The following ANK2 variants were observed in gnomAD, a reference collection of about 807,000 sequenced individuals.
ANK2 encodes the protein ankyrin 2.
Under a neutral mutation model 360.5 loss-of-function variants are expected in ANK2, and 83 were observed. That is an observed-to-expected ratio of 0.23 (90% CI 0.19 to 0.28). The LOEUF (loss-of-function observed/expected upper bound fraction) is 0.28, where lower values mean the gene tolerates loss of function less well. Ranked by LOEUF, ANK2 falls within the 10% of genes least tolerant of loss-of-function variation. The probability of loss-of-function intolerance (pLI) is 1.00; values close to 1 mark genes in which losing one functional copy is unlikely to be tolerated. For synonymous variants in ANK2, 1,740 were observed against 1,759.5 expected (o/e 0.99, Z 0.28); for missense variants, 4,201 against 4,795.7 (o/e 0.88, Z 3.66).
intron 1 of ANK2, among the ~76,000 whole-genome samples, chr4:112,878,451 C>G (rs992722316): frequency 1.3e-5 from 2 of 152,122 alleles, no homozygotes; most frequent in Non-Finnish European, 1.5e-5. Flanking sequence ...CTCAGCCTCC[C>G]GAGTAGCTGG....
intron 14 of ANK2, among the ~76,000 whole-genome samples, chr4:113,271,479 G>GACACACACACACACACAC (rs3059950): frequency 6.7e-5 from 10 of 150,318 alleles, no homozygotes; most frequent in Admixed American, 2.0e-4. Flanking sequence ...TGCACGCACA[G>GACACACACACACACACAC]ACACACACAC....
At chr4:113,108,020 T>G (rs2093848531) in intron 1 of ANK2, among the ~76,000 whole-genome samples, 1 of 152,202 alleles carries the variant, frequency 6.6e-6, no homozygotes, top group South Asian at 2.1e-4. Flanking sequence ...AACATTTTAT[T>G]TCAACTTGAA....
intron 1 of ANK2, among the ~76,000 whole-genome samples, chr4:113,110,672 GGT>G (rs1386626395): frequency 6.6e-6 from 1 of 152,114 alleles, no homozygotes; most frequent in Admixed American, 6.6e-5. Flanking sequence ...TCAATTCTCT[GGT>G]GCCAACAATG....
At chr4:112,841,232 G>A (rs772004014) in intron 1 of ANK2, among the ~76,000 whole-genome samples, 2 of 152,162 alleles carry the variant, frequency 1.3e-5, no homozygotes, top group Non-Finnish European at 2.9e-5. Flanking sequence ...TTAAGCAAGT[G>A]TGTGATACAA....
At chr4:112,721,390 A>G in the ANK2 span, among the ~76,000 whole-genome samples, 1 of 152,040 alleles carries the variant, frequency 6.6e-6, no homozygotes, top group African/African-American at 2.4e-5. Context: ...AAATACAAAA[A>G]AATTAGTGAG....
intron 1 of ANK2, among the ~76,000 whole-genome samples, chr4:113,139,938 G>A (rs974102412): frequency 1.3e-5 from 2 of 152,142 alleles, no homozygotes; most frequent in Non-Finnish European, 2.9e-5. Flanking sequence ...TCTGTGTAAA[G>A]CATAAACAGT....
At chr4:112,945,803 T>A (rs1398041874) in intron 2 of ANK2, among the ~76,000 whole-genome samples, 1 of 152,180 alleles carries the variant, frequency 6.6e-6, no homozygotes, top group Non-Finnish European at 1.5e-5. Flanking sequence ...CTTTAAGACA[T>A]TATGTCACCT....
At chr4:112,793,818 A>G in the ANK2 span, among the ~76,000 whole-genome samples, 1 of 149,490 alleles carries the variant, frequency 6.7e-6, no homozygotes, top group Non-Finnish European at 1.5e-5. Flanking sequence ...TGATTCTCCC[A>G]CCTCAACCTC....
chr4:112,896,315 A>G (rs994338600), intron 1 of ANK2, among the ~76,000 whole-genome samples: 2 of 152,250 alleles, frequency 1.3e-5, no homozygotes, highest in East Asian at 1.9e-4. Context: ...TGTTTAGAGC[A>G]TAGTCGTTCA....
At chr4:113,346,163 G>T in intron 35 of ANK2, 141 bp downstream of exon 35, 1 of 996,740 alleles carries the variant, frequency 1.0e-6, no homozygotes, top group Non-Finnish European at 1.5e-6. Context: ...AACAAAGACT[G>T]ATTGAAAGCA....
intron 31 of ANK2, 35 bp from the exon 32 acceptor site, chr4:113,339,191 T>C (rs1170541721): frequency 1.9e-6 from 3 of 1,547,454 alleles, no homozygotes; most frequent in Non-Finnish European, 2.7e-6. Flanking sequence ...GTCTGGAGTT[T>C]TGCCTGATTT....
chr4:113,087,396 TA>T (rs536004852), intron 1 of ANK2, among the ~76,000 whole-genome samples: 6 of 152,204 alleles, frequency 3.9e-5, no homozygotes, highest in Non-Finnish European at 8.8e-5. Flanking sequence ...GTTCCAAGTT[TA>T]AAAATTTTCC....
chr4:112,824,719 G>T (rs1245815232), intron 1 of ANK2, among the ~76,000 whole-genome samples: 1 of 151,756 alleles, frequency 6.6e-6, no homozygotes, highest in Non-Finnish European at 1.5e-5. Context: ...GGCCAGGCTG[G>T]TCTCAAATTC....
intron 38 of ANK2, among the ~76,000 whole-genome samples, chr4:113,360,457 T>C (rs578085449): frequency 2.0e-5 from 3 of 152,050 alleles, no homozygotes; most frequent in Non-Finnish European, 4.4e-5. Flanking sequence ...CCAATTGCTC[T>C]ACTTCTGCAT....
intron 2 of ANK2, among the ~76,000 whole-genome samples, chr4:113,043,828 T>C (rs17045456): frequency 0.03 from 4,552 of 152,250 alleles, 143 homozygotes; most frequent in African/African-American, 0.076. Context: ...AAAGGATTTA[T>C]TGAGGAAGAG....
At chr4:112,994,430 G>A (rs72671515) in intron 2 of ANK2, among the ~76,000 whole-genome samples, 19,520 of 152,076 alleles carry the variant, frequency 0.13, 1,717 homozygotes, top group Non-Finnish European at 0.19. Context: ...TACAAAATTC[G>A]AACATTTCTA....
chr4:112,791,479 CTTTTTTT>C, the ANK2 span, among the ~76,000 whole-genome samples: 45 of 93,894 alleles, frequency 4.8e-4, no homozygotes, highest in Admixed American at 1.7e-3. Context: ...TCTTCTTCTT[CTTTTTTT>C]TTTTTTTTTT....
the ANK2 span, among the ~76,000 whole-genome samples, chr4:112,795,801 A>ACT: frequency 7.3e-6 from 1 of 137,798 alleles, no homozygotes; most frequent in South Asian, 2.3e-4. Context: ...TGTGCCCAGC[A>ACT]TTTTTTTTTT....
intron 1 of ANK2, among the ~76,000 whole-genome samples, chr4:112,833,611 C>T (rs963762136): frequency 4.0e-5 from 6 of 151,668 alleles, no homozygotes; most frequent in African/African-American, 1.5e-4. Context: ...TCACGCCATT[C>T]TCCTTGCTCA....
Sources: gnomAD v4.1 joint callset for allele counts (sites outside exome capture counted in the v4.1 genomes callset) on GRCh38, gnomAD v4.1.1 for gene constraint, MANE v1.5 for transcripts, NCBI Gene and HGNC (gene_info 2026-07-23, HGNC 2026-07-21) for gene names.